The following FAAP20 variants were observed in gnomAD, a reference collection of about 807,000 sequenced individuals.
FAAP20 encodes the protein Fanconi anemia core complex-associated protein 20.
Under a neutral mutation model 16.2 loss-of-function variants are expected in FAAP20, and 12 were observed. The ratio of observed to expected loss-of-function variants is 0.74; its 90% confidence interval spans 0.48 to 1.20. The LOEUF (loss-of-function observed/expected upper bound fraction) is 1.20, where lower values mean the gene tolerates loss of function less well. FAAP20 is among the 50% of genes most tolerant of loss of function. The pLI, the probability that FAAP20 is intolerant of heterozygous loss-of-function variation, is 0.00. For missense variants in FAAP20, 288 were observed against 245.8 expected, an observed-to-expected ratio of 1.17 and a Z score of -1.15; for synonymous variants, 141 against 110.7, an observed-to-expected ratio of 1.27 and a Z score of -1.72.
downstream of FAAP20, chr1:2,185,598 C>T (rs770735170): frequency 8.1e-5 from 56 of 691,180 alleles, no homozygotes; most frequent in Non-Finnish European, 1.3e-4. Flanking sequence ...GTGTCCCAGC[C>T]GCTGTGGTCT....
chr1:2,192,860 A>T lies in FAAP20; in HGVS notation c.470+779T>A, dbSNP rs1688391596. The T allele has an allele frequency of 3.1e-6, 4 of 1,285,996 alleles. No individual in the cohort carries two copies. The African/African-American group carries it at 4.6e-5, about 15-fold the overall frequency. 79.7% of individuals were successfully genotyped at this position (1,285,996 alleles called of 1,614,324 possible). On this transcript the variant is annotated intron_variant, in intron 3 of 3. Transcript: ENST00000378546. Reference sequence around the variant, plus strand: ...AGCAACCCACCTGCCTCAGCCTCTCAAAGGGCTGGGATTACAGGCGTGAGC... The same window carrying T: ...AGCAACCCACCTGCCTCAGCCTCTCTAAGGGCTGGGATTACAGGCGTGAGC...
chr1:2,184,615 G>A (rs772703489), downstream of FAAP20: 1 of 1,614,040 alleles, frequency 6.2e-7, no homozygotes, highest in South Asian at 1.1e-5. Flanking sequence ...CTCCATTCCA[G>A]CCACAGATCA....
chr1:2,190,608 C>G, intron 3 of FAAP20: 1 of 354,288 alleles, frequency 2.8e-6, no homozygotes, highest in South Asian at 2.0e-5. Context: ...CGGAGAGTGC[C>G]GGAGCTGGCG....
At chr1:2,200,544 G>A (rs750039077), upstream of FAAP20, 18 of 823,258 alleles carry the variant, frequency 2.2e-5, no homozygotes, top group Admixed American at 6.2e-5. Flanking sequence ...GCCTTTAGGC[G>A]GAGCTCCACC....
At chr1:2,210,192 C>T (rs1171931474), downstream of FAAP20, among the ~76,000 whole-genome samples, 3 of 152,206 alleles carry the variant, frequency 2.0e-5, no homozygotes, top group Non-Finnish European at 4.4e-5. Flanking sequence ...CTGCCCGTGT[C>T]AGACAGAGGC....
upstream of FAAP20, chr1:2,198,781 G>A (rs537563603): frequency 3.9e-4 from 507 of 1,289,180 alleles, 8 homozygotes; most frequent in Non-Finnish European, 5.7e-5. Flanking sequence ...CAAAAGGCCC[G>A]GGCAGCCTTC....
chr1:2,211,757 A>G (rs368390941), downstream of FAAP20, among the ~76,000 whole-genome samples: 5 of 137,784 alleles, frequency 3.6e-5, no homozygotes, highest in Middle Eastern at 8.4e-3. Context: ...CCAGTTTTTT[A>G]TATTTTTATT....
At chr1:2,202,872 C>T (rs759126642), upstream of FAAP20, among the ~76,000 whole-genome samples, 2 of 152,218 alleles carry the variant, frequency 1.3e-5, no homozygotes, top group Non-Finnish European at 1.5e-5. Context: ...CTGCCTTGGC[C>T]TCCCAAAGTG....
chr1:2,198,517 C>T (rs1023491242), upstream of FAAP20: 2 of 512,372 alleles, frequency 3.9e-6, no homozygotes, highest in African/African-American at 4.0e-5. Flanking sequence ...TCAGAGTCAC[C>T]CAAATGTTCA....
chr1:2,206,535 G>A (rs1349073058), exon 2 of FAAP20: 3 of 152,282 alleles, frequency 2.0e-5, no homozygotes, highest in Non-Finnish European at 4.4e-5. Flanking sequence ...GTGTGATTCT[G>A]AGACTAAGGC....
upstream of FAAP20, chr1:2,200,438 C>A: frequency 1.9e-5 from 3 of 160,092 alleles, no homozygotes; most frequent in Non-Finnish European, 3.9e-5. Flanking sequence ...GACACAGAGA[C>A]ACAGGAAGGA....
chr1:2,198,912 C>T (rs1461719703), upstream of FAAP20: 14 of 1,289,808 alleles, frequency 1.1e-5, no homozygotes, highest in Non-Finnish European at 1.4e-5. Flanking sequence ...GCCAGGCAGA[C>T]AGGCTGTGAG....
chr1:2,192,449 T>C, intron 3 of FAAP20: 1 of 996,766 alleles, frequency 1.0e-6, no homozygotes, highest in Non-Finnish European at 1.2e-6. Context: ...GGCAAGTTTT[T>C]CCTCGTGAAC....
At chr1:2,204,222 G>C (rs1689152132), upstream of FAAP20, among the ~76,000 whole-genome samples, 1 of 152,236 alleles carries the variant, frequency 6.6e-6, no homozygotes, top group South Asian at 2.1e-4. Context: ...TGTGCGGCCA[G>C]TGTCCCTCCG....
chr1:2,201,699 G>A (rs546214620), upstream of FAAP20, among the ~76,000 whole-genome samples: 2 of 152,020 alleles, frequency 1.3e-5, no homozygotes, highest in Admixed American at 6.6e-5. Context: ...TCCAGCCTGG[G>A]TGACAGAGCA....
At chr1:2,187,099 G>A (rs976867709), downstream of FAAP20, 4 of 451,082 alleles carry the variant, frequency 8.9e-6, no homozygotes, top group Non-Finnish European at 1.8e-5. Context: ...CTGCGTGGGC[G>A]TGGTGCGGGG....
intron 1 of FAAP20, among the ~76,000 whole-genome samples, chr1:2,194,437 T>G (rs1572119104): frequency 1.8e-5 from 2 of 112,272 alleles, no homozygotes; most frequent in Non-Finnish European, 3.7e-5. Flanking sequence ...AGATGGGGGG[T>G]GCTCAGGGGA....
chr1:2,184,849 G>A (rs563077886), downstream of FAAP20: 7 of 1,449,446 alleles, frequency 4.8e-6, no homozygotes, highest in African/African-American at 2.8e-5. Flanking sequence ...ATTCTTATGC[G>A]AACGTGACTC....
chr1:2,190,202 G>C (rs757880139), intron 3 of FAAP20: 2 of 464,624 alleles, frequency 4.3e-6, no homozygotes, highest in South Asian at 3.1e-5. Context: ...AGTAAACATG[G>C]CTGGGCAGTG....
Sources: allele counts gnomAD v4.1 joint callset (sites outside exome capture counted in the v4.1 genomes callset), GRCh38; gene constraint gnomAD v4.1.1; transcripts MANE v1.5; gene names NCBI Gene and HGNC (gene_info 2026-07-23, HGNC 2026-07-21).